XPNPEP1: variants seen among roughly 807,000 people sequenced by gnomAD.
XPNPEP1 encodes the protein X-prolyl aminopeptidase 1, also known as xaa-Pro aminopeptidase 1.
Under a neutral mutation model 92.4 loss-of-function variants are expected in XPNPEP1, and 39 were observed. The ratio of observed to expected loss-of-function variants is 0.42; its 90% confidence interval spans 0.33 to 0.55. XPNPEP1 has a LOEUF of 0.55. Ranked by LOEUF, XPNPEP1 falls within the 20% of genes least tolerant of loss-of-function variation. The pLI is 0.08. For missense variants in XPNPEP1, 654 were observed against 856.1 expected (o/e 0.76, Z 2.95); for synonymous variants, 307 against 299.4 (o/e 1.03, Z -0.26).
chr10:109,909,691 A>G (rs1287693383), intron 2 of XPNPEP1, among the ~76,000 whole-genome samples: 1 of 152,254 alleles, frequency 6.6e-6, no homozygotes, highest in African/African-American at 2.4e-5. Flanking sequence ...ATTACAGAAT[A>G]GTGATCATGC....
chr10:109,906,129 C>A (rs372866344), intron 3 of XPNPEP1, among the ~76,000 whole-genome samples: 1 of 152,168 alleles, frequency 6.6e-6, no homozygotes, highest in Non-Finnish European at 1.5e-5. Context: ...TTATCTACCA[C>A]CCCCTCCATC....
At position 109,868,635 on chromosome 10, in the gene XPNPEP1, C is replaced by G; in HGVS notation, c.1851G>C (p.Val617=). Reference sequence around the variant, plus strand: ...TTACCTCTTTGTCTGTAAGAGAATCCACATCTATCATTTTGGTCTGAATTG... The same window carrying G: ...TTACCTCTTTGTCTGTAAGAGAATCGACATCTATCATTTTGGTCTGAATTG... ...LVPIQTKMID[V]DSLTDKECDW... The change falls in exon 20 of 21, where the codon GTG becomes GTC. Residue 617 remains valine (V), a synonymous_variant. Coordinates refer to ENST00000502935, the MANE Select transcript of XPNPEP1 (RefSeq NM_020383.4). The G allele has an allele frequency of 6.2e-7, 1 of 1,613,782 alleles. No individual in the cohort carries two copies. Among genetic ancestry groups the G allele is most frequent in the South Asian group, 1.1e-5 (1 of 91,032 alleles).
intron 6 of XPNPEP1, 101 bp from the exon 7 acceptor site, chr10:109,888,293 G>A: frequency 6.7e-7 from 1 of 1,483,440 alleles, no homozygotes; most frequent in South Asian, 1.3e-5. Flanking sequence ...AGGTGGTCCT[G>A]CCATGGCCCA....
At chr10:109,916,756 G>A (rs1850214768) in intron 1 of XPNPEP1, among the ~76,000 whole-genome samples, 1 of 152,054 alleles carries the variant, frequency 6.6e-6, no homozygotes, top group Admixed American at 6.5e-5. Flanking sequence ...ACGGAATCTA[G>A]AACAATATAA....
Position 109,906,719 on chromosome 10 carries a change from A to C in XPNPEP1, c.246+972T>G, listed in dbSNP as rs565258026. The stretch of plus-strand genomic sequence containing the variant: ...GTCTCTTGCCAGGGAAACCTGTCCC[A>C]CTGTTTCTGAAGAGCATCCGAAGCT... On this transcript the variant is annotated intron_variant, in intron 3 of 20. Coordinates refer to ENST00000502935, the MANE Select transcript of XPNPEP1 (RefSeq NM_020383.4). Among the ~76,000 whole-genome samples, 3 of 152,218 alleles carry C rather than the reference A, an allele frequency of 2.0e-5. No individual in the cohort carries two copies. The East Asian group carries it at 5.8e-4, about 29-fold the overall frequency.
At chr10:109,876,297 C>CAG (rs1239852424) in intron 14 of XPNPEP1, 3 of 152,384 alleles carry the variant, frequency 2.0e-5, no homozygotes, top group Non-Finnish European at 4.4e-5. Flanking sequence ...CTCTGCCCTG[C>CAG]AGCTGAAGTG....
At chr10:109,922,752 G>A (rs1006564367) in intron 1 of XPNPEP1, among the ~76,000 whole-genome samples, 2 of 152,168 alleles carry the variant, frequency 1.3e-5, no homozygotes, top group African/African-American at 4.8e-5. Flanking sequence ...TTATGGCAGG[G>A]GAATAAACTA....
chr10:109,896,273 CT>C (rs57532455), intron 3 of XPNPEP1, among the ~76,000 whole-genome samples: 5,875 of 135,710 alleles, frequency 0.043, 168 homozygotes, highest in African/African-American at 0.11. Context: ...AGATATTTGT[CT>C]TTTTTTTTTT....
At chr10:109,922,489 AGCTGTG>A (rs745542488) in intron 1 of XPNPEP1, among the ~76,000 whole-genome samples, 9 of 152,090 alleles carry the variant, frequency 5.9e-5, no homozygotes, top group Non-Finnish European at 1.0e-4. Context: ...ACCCTTAACA[AGCTGTG>A]GCAACGGCAA....
chr10:109,908,997 G>A (rs1402981057), intron 2 of XPNPEP1, among the ~76,000 whole-genome samples: 1 of 150,420 alleles, frequency 6.6e-6, no homozygotes, highest in East Asian at 2.0e-4. Context: ...GTGGCCGGGT[G>A]CGGTGGCTCA....
At chr10:109,883,426 T>G (rs1398324632) in intron 9 of XPNPEP1, among the ~76,000 whole-genome samples, 1 of 152,046 alleles carries the variant, frequency 6.6e-6, no homozygotes, top group Admixed American at 6.5e-5. Flanking sequence ...CAGGCCCCTC[T>G]CGTAACACCT....
rs1589594615 is a variant in XPNPEP1 at position 109,893,231 on chromosome 10, G to A, written c.247-156C>T. The A allele has an allele frequency of 6.4e-6, 4 of 623,642 alleles. No homozygotes were observed. In the South Asian group the frequency reaches 8.2e-5, roughly 13 times the overall value. The allele number at this position is 623,642 out of a possible 1,614,324, so 38.6% of individuals were successfully genotyped here. ...GCCAACAGTCTAGCTGAAAACAACAGATTAGCACACACTGCAGAAGATTGA... is the reference window on the plus strand; with the variant it reads ...GCCAACAGTCTAGCTGAAAACAACAAATTAGCACACACTGCAGAAGATTGA... On this transcript the variant is annotated intron_variant, in intron 3 of 20. Transcript: ENST00000502935.
chr10:109,865,813 C>A (rs747104537), intron 20 of XPNPEP1, among the ~76,000 whole-genome samples: 5 of 152,194 alleles, frequency 3.3e-5, no homozygotes, highest in Non-Finnish European at 1.5e-5. Flanking sequence ...CCAAAACCTG[C>A]GGTGGTTAAA....
At chr10:109,899,032 G>T (rs1198195967) in intron 3 of XPNPEP1, among the ~76,000 whole-genome samples, 1 of 152,196 alleles carries the variant, frequency 6.6e-6, no homozygotes, top group African/African-American at 2.4e-5. Flanking sequence ...TGAATAAATG[G>T]CCATCGGTCC....
intron 12 of XPNPEP1, 79 bp downstream of exon 12, chr10:109,880,109 G>A: frequency 4.3e-6 from 6 of 1,395,378 alleles, no homozygotes; most frequent in Non-Finnish European, 6.1e-6. Flanking sequence ...CAGAGCATGG[G>A]AGATGCTAGA....
intron 2 of XPNPEP1, among the ~76,000 whole-genome samples, chr10:109,908,621 C>T (rs922698166): frequency 1.3e-5 from 2 of 151,990 alleles, no homozygotes; most frequent in Non-Finnish European, 2.9e-5. Context: ...ACAAAACAAA[C>T]AGATGACAAA....
At chr10:109,878,170 C>T (rs1195020904) in intron 12 of XPNPEP1, 112 bp from the exon 13 acceptor site, 2 of 1,174,914 alleles carry the variant, frequency 1.7e-6, no homozygotes, top group South Asian at 1.3e-5. Flanking sequence ...TTCATCCCAA[C>T]TGACCAATCT....
At chr10:109,872,284 A>G (rs1410974333) in intron 16 of XPNPEP1, among the ~76,000 whole-genome samples, 1 of 152,222 alleles carries the variant, frequency 6.6e-6, no homozygotes, top group Non-Finnish European at 1.5e-5. Context: ...CTTCACAGAG[A>G]GATTCAGTAG....
chr10:109,921,717 A>C (rs1260379632), intron 1 of XPNPEP1, among the ~76,000 whole-genome samples: 1 of 152,166 alleles, frequency 6.6e-6, no homozygotes, highest in Non-Finnish European at 1.5e-5. Flanking sequence ...TCCTTTTGAG[A>C]ATGTACCCTC....
Sources: allele counts gnomAD v4.1 joint callset (sites outside exome capture counted in the v4.1 genomes callset), GRCh38; gene constraint gnomAD v4.1.1; transcripts MANE v1.5; gene names NCBI Gene and HGNC (gene_info 2026-07-23, HGNC 2026-07-21).